KLHL36: variants seen among roughly 807,000 people sequenced by gnomAD.
KLHL36 encodes the protein kelch-like protein 36.
A neutral mutation model predicts 53.3 loss-of-function variants in KLHL36; 35 were observed. The ratio of observed to expected loss-of-function variants is 0.66; its 90% confidence interval spans 0.50 to 0.87. KLHL36 has a LOEUF of 0.87. Among genes scored for constraint, KLHL36 ranks in the 40% least tolerant of loss-of-function variants. The pLI is 0.00. For synonymous variants in KLHL36, 472 were observed against 398.9 expected, an observed-to-expected ratio of 1.18 and a Z score of -2.18; for missense variants, 864 against 897.6, an observed-to-expected ratio of 0.96 and a Z score of 0.48.
At chr16:84,655,677 C>G (rs1290200587) in intron 2 of KLHL36, among the ~76,000 whole-genome samples, 2 of 146,466 alleles carry the variant, frequency 1.4e-5, no homozygotes, top group African/African-American at 5.0e-5. Context: ...GCACTCCAGC[C>G]TGGGCAACAG....
In KLHL36 at chr16:84,661,276, G is replaced by A. The variant is rs1199185866; in HGVS notation, c.1296-302G>A. Among the ~76,000 whole-genome samples the A allele has an allele frequency of 2.0e-5, 3 of 152,224 alleles. No individual in the cohort carries two copies. The highest frequency in any genetic ancestry group is 1.5e-5 in the Non-Finnish European group (1 of 68,046). On this transcript the variant is annotated intron_variant, in intron 4 of 4. Transcript: ENST00000564996. The surrounding 1 kb of genome is among the most constrained non-coding windows in gnomAD (Gnocchi z 7.9). ...ATTGTTCTAGTCGTTTCCAGCCATTGTGAAAAGGGTGATGGTCCTGTGATT... is the reference window on the plus strand; with the variant it reads ...ATTGTTCTAGTCGTTTCCAGCCATTATGAAAAGGGTGATGGTCCTGTGATT...
rs199789332 is a variant in KLHL36 at position 84,657,723 on chromosome 16, G to C, written c.916G>C (p.Glu306Gln). The stretch of plus-strand genomic sequence containing the variant: ...GCTGTTTGTGGGCGGCGAGGTCTCC[G>C]AGCGGTGTCTGGAGCTCAGTGACGA... ...RLLFVGGEVSERCLELSDDTC... is the reference protein window; with the variant it reads ...RLLFVGGEVSQRCLELSDDTC... Residue 306 changes from glutamate to glutamine, a missense_variant, in exon 3 of 5, where the codon GAG (glutamate) becomes CAG (glutamine). Transcript: ENST00000564996. 3 of 1,612,442 alleles carry C rather than the reference G, an allele frequency of 1.9e-6. No homozygotes were observed. Among genetic ancestry groups the C allele is most frequent in the Admixed American group, 1.7e-5 (1 of 59,930 alleles).
chr16:84,653,184 T>TC (rs1326463142), intron 2 of KLHL36, among the ~76,000 whole-genome samples: 1 of 151,914 alleles, frequency 6.6e-6, no homozygotes, highest in African/African-American at 2.4e-5. Context: ...ACCACTGTAC[T>TC]CCAACCTAAG....
Position 84,656,867 on chromosome 16 carries a change from C to A in KLHL36, c.64-4C>A. Reference sequence around the variant, plus strand: ...GCCGTTTCTAATGTGTCTTCTCTGTCCAGGTATACCGCTGGGCCGACCACT... The same window carrying A: ...GCCGTTTCTAATGTGTCTTCTCTGTACAGGTATACCGCTGGGCCGACCACT... On this transcript the variant is annotated splice_region_variant and splice_polypyrimidine_tract_variant and intron_variant, in intron 2 of 4. Transcript: ENST00000564996. 6.3e-7 allele frequency: 1 copy of A among 1,598,810 alleles called. No homozygotes were observed. The highest frequency in any genetic ancestry group is 8.5e-7 in the Non-Finnish European group (1 of 1,170,566).
At chr16:84,649,527 G>C (rs184855116) in intron 1 of KLHL36, among the ~76,000 whole-genome samples, 1 of 152,228 alleles carries the variant, frequency 6.6e-6, no homozygotes, top group Non-Finnish European at 1.5e-5. Context: ...TCGAGTCCGC[G>C]GTGGGCACCG....
At chr16:84,658,394 G>A (rs1485282952) in intron 3 of KLHL36, 2 of 153,298 alleles carry the variant, frequency 1.3e-5, no homozygotes, top group African/African-American at 4.8e-5. Flanking sequence ...TTTGATCCAT[G>A]GTTCAACATC....
chr16:84,649,918 C>T (rs1906738184), intron 1 of KLHL36, among the ~76,000 whole-genome samples: 2 of 152,300 alleles, frequency 1.3e-5, no homozygotes, highest in South Asian at 4.1e-4. Context: ...TTGGCAAAGT[C>T]CCTTCTCTGT....
chr16:84,651,222 A>G (rs906963617), intron 2 of KLHL36, among the ~76,000 whole-genome samples: 2 of 152,110 alleles, frequency 1.3e-5, no homozygotes, highest in African/African-American at 4.8e-5. Flanking sequence ...AAGGAGGTGG[A>G]TGGGACAGGA....
chr16:84,649,974 C>T (rs546269968), intron 1 of KLHL36, among the ~76,000 whole-genome samples: 1 of 150,864 alleles, frequency 6.6e-6, no homozygotes, highest in Non-Finnish European at 1.5e-5. Context: ...CTGCCTCCCC[C>T]GCCCCCCACA....
chr16:84,656,639 A>AG (rs1323735383), intron 2 of KLHL36, among the ~76,000 whole-genome samples: 15 of 150,780 alleles, frequency 9.9e-5, no homozygotes, highest in African/African-American at 3.7e-4. Flanking sequence ...GTCAAAAAAA[A>AG]AAAAAGAAAG....
rs765215245 is a variant in KLHL36, at chr16:84,659,814, A to G, written c.1192A>G (p.Met398Val). 3.7e-6 allele frequency: 6 copies of G among 1,614,158 alleles called. No individual in the cohort carries two copies. In the South Asian group the frequency reaches 5.5e-5, roughly 15 times the overall value. The part of the protein sequence containing the change: ...VDFYLASIED[M>V]LVAIGGRNEN... ...TTTCTACCTTGCCTCCATCGAAGAC[A>G]TGCTGGTGGCCATCGGCGGCCGGAA... The change falls in exon 4 of 5, where the codon ATG becomes GTG. Residue 398 changes from methionine to valine, a missense_variant. Met to Val is a conservative substitution (Grantham distance 21). Coordinates refer to ENST00000564996, the MANE Select transcript of KLHL36 (RefSeq NM_024731.4).
intron 2 of KLHL36, among the ~76,000 whole-genome samples, chr16:84,653,800 A>G (rs1405874986): frequency 6.8e-6 from 1 of 146,628 alleles, no homozygotes; most frequent in Non-Finnish European, 1.5e-5. Context: ...AGATCGAGCC[A>G]CTGCACTCCA....
At chr16:84,649,315 C>G (rs1178926673) in intron 1 of KLHL36, 2 of 152,478 alleles carry the variant, frequency 1.3e-5, no homozygotes, top group South Asian at 2.1e-4. Flanking sequence ...CGAACTCTCT[C>G]TAGGTATCTT....
chr16:84,657,556 A>C lies in KLHL36; in HGVS notation c.749A>C (p.Lys250Thr). 6.2e-7 allele frequency: 1 copy of C among 1,610,674 alleles called. No homozygotes were observed. Among genetic ancestry groups the C allele is most frequent in the Non-Finnish European group, 8.5e-7 (1 of 1,179,870 alleles). Residue 250 changes from lysine (K) to threonine (T), a missense_variant, in exon 3 of 5, where the codon AAG (lysine) becomes ACG (threonine). Physicochemically the swap from Lys to Thr is moderately conservative, Grantham distance 78. Coordinates refer to ENST00000564996, the MANE Select transcript of KLHL36 (RefSeq NM_024731.4). ...AAGAACGACCTGCTGCACCGCGTCA[A>C]GCCGGCCGTGTGCTCGCTGCTGCCC... is the stretch of plus-strand genomic sequence containing the variant. ...IPKNDLLHRV[K>T]PAVCSLLPKE...
At chr16:84,650,374 C>T (rs1316640179) in intron 1 of KLHL36, among the ~76,000 whole-genome samples, 2 of 152,070 alleles carry the variant, frequency 1.3e-5, no homozygotes, top group Admixed American at 1.3e-4. Flanking sequence ...CTGGACAGAC[C>T]GAGGCGTGAT....
chr16:84,662,358 C>T lies in KLHL36; in HGVS notation c.*225C>T. 2.1e-6 allele frequency: 1 copy of T among 478,404 alleles called. No homozygotes were observed. Among genetic ancestry groups the T allele is most frequent in the Non-Finnish European group, 3.7e-6 (1 of 267,330 alleles). 29.6% of individuals were successfully genotyped at this position (478,404 alleles called of 1,614,324 possible). On this transcript the variant is annotated 3_prime_UTR_variant, in exon 5 of 5. Coordinates refer to ENST00000564996, the MANE Select transcript of KLHL36 (RefSeq NM_024731.4). Reference sequence around the variant, plus strand: ...CCCTGGGCCCAGGCAGTGAGCAACCCCTTGTATCTTCACAGGTCTTTGCCC... The same window carrying T: ...CCCTGGGCCCAGGCAGTGAGCAACCTCTTGTATCTTCACAGGTCTTTGCCC...
chr16:84,653,254 C>G (rs555137000), intron 2 of KLHL36, among the ~76,000 whole-genome samples: 1 of 152,054 alleles, frequency 6.6e-6, no homozygotes, highest in South Asian at 2.1e-4. Context: ...ATGCTAAATT[C>G]TTTTTCCACG....
At position 84,657,195 on chromosome 16, in the gene KLHL36, A is replaced by T; in HGVS notation, c.388A>T (p.Thr130Ser). The T allele has an allele frequency of 3.1e-6, 5 of 1,614,114 alleles. No homozygotes were observed. The highest frequency in any genetic ancestry group is 1.7e-5 in the Admixed American group (1 of 60,026). ...GACGGCTCACCTGCTGCAGATCTGGACGGTGGTAGACTTCTGCTGTGAGTA... is the reference window on the plus strand; with the variant it reads ...GACGGCTCACCTGCTGCAGATCTGGTCGGTGGTAGACTTCTGCTGTGAGTA... ...LETAHLLQIW[T>S]VVDFCCEYLE... The change falls in exon 3 of 5, where the codon ACG becomes TCG. Residue 130 changes from threonine to serine, a missense_variant. Coordinates refer to ENST00000564996, the MANE Select transcript of KLHL36 (RefSeq NM_024731.4).
Position 84,657,407 on chromosome 16 carries a change from C to T in KLHL36, c.600C>T (p.Ser200=), listed in dbSNP as rs145163854. 9.3e-4 allele frequency: 1,494 copies of T among 1,606,804 alleles called. No homozygotes were observed. The highest frequency in any genetic ancestry group is 1.2e-3 in the Non-Finnish European group (1,407 of 1,179,974). Residue 200 remains serine, a synonymous_variant, in exon 3 of 5, where the codon AGC becomes AGT. Transcript: ENST00000564996. ...AGCTGTGTGTCTACCTGAGCAGCAG[C>T]GAGGTGCAGCGGGAGTGTGAGCACG... is the stretch of plus-strand genomic sequence containing the variant. ...MQKLCVYLSS[S]EVQRECEHDL...
Sources: allele counts gnomAD v4.1 joint callset (sites outside exome capture counted in the v4.1 genomes callset), GRCh38; gene constraint gnomAD v4.1.1; non-coding constraint Gnocchi (gnomAD v3.1); transcripts MANE v1.5; gene names NCBI Gene and HGNC (gene_info 2026-07-23, HGNC 2026-07-21).